Variants in STXBP5L observed in about 807,000 individuals in gnomAD.
STXBP5L encodes syntaxin-binding protein 5-like.
A neutral mutation model predicts 144.5 loss-of-function variants in STXBP5L; 65 were observed. That is an observed-to-expected ratio of 0.45 (90% CI 0.37 to 0.55). The LOEUF is 0.55. STXBP5L is among the 20% of genes least tolerant of loss of function. The probability of loss-of-function intolerance (pLI) is 0.00; values close to 1 mark genes in which losing one functional copy is unlikely to be tolerated. For synonymous variants in STXBP5L, 505 were observed against 469.6 expected, an observed-to-expected ratio of 1.08 and a Z score of -0.97; for missense variants, 1,298 against 1,405.5, an observed-to-expected ratio of 0.92 and a Z score of 1.22.
intron 7 of STXBP5L, among the ~76,000 whole-genome samples, chr3:121,125,875 C>A (rs1040120219): frequency 6.6e-6 from 1 of 152,100 alleles, no homozygotes; most frequent in African/African-American, 2.4e-5. Flanking sequence ...ATGGAGAAAA[C>A]CTTGACCAAT....
intron 10 of STXBP5L, 116 bp from the exon 11 acceptor site, chr3:121,222,887 T>A: frequency 8.6e-7 from 1 of 1,166,008 alleles, no homozygotes; most frequent in East Asian, 2.7e-5. Flanking sequence ...GCAAGTTTTT[T>A]GCTGTCTGTC....
chr3:121,098,888 G>T (rs2043271656), intron 5 of STXBP5L, among the ~76,000 whole-genome samples: 1 of 152,012 alleles, frequency 6.6e-6, no homozygotes, highest in Non-Finnish European at 1.5e-5. Context: ...TTTCCAGAAA[G>T]AAAATAATTT....
intron 6 of STXBP5L, 115 bp downstream of exon 6, chr3:121,115,174 A>G (rs895919591): frequency 1.9e-6 from 2 of 1,066,074 alleles, no homozygotes; most frequent in East Asian, 3.0e-5. Context: ...AATGAATTTG[A>G]GTGAAAAGTT....
intron 2 of STXBP5L, among the ~76,000 whole-genome samples, chr3:120,920,195 T>G (rs568041491): frequency 7.9e-5 from 12 of 151,950 alleles, no homozygotes; most frequent in Non-Finnish European, 1.8e-4. Context: ...CAATTTCTTT[T>G]TGAAAGGATT....
rs537940454 is a variant in STXBP5L at position 121,092,295 on chromosome 3, C to T, written c.471-22630C>T. 4.4e-3 allele frequency among the ~76,000 whole-genome samples: 671 copies of T among 151,950 alleles called. 6 individuals are homozygous for T. The highest frequency in any genetic ancestry group is 0.015 in the African/African-American group (620 of 41,404). On this transcript the variant is annotated intron_variant, in intron 5 of 26. Coordinates refer to ENST00000471454, the MANE Select transcript of STXBP5L (RefSeq NM_001308330.2). Reference sequence around the variant, plus strand: ...ATATGAACTTTAAAGTAGTGTTTTCCAATTCTGTGATGAAAGTCATTGGTA... The same window carrying T: ...ATATGAACTTTAAAGTAGTGTTTTCTAATTCTGTGATGAAAGTCATTGGTA...
chr3:121,349,221 T>C (rs1445679698), intron 20 of STXBP5L, among the ~76,000 whole-genome samples: 1 of 152,130 alleles, frequency 6.6e-6, no homozygotes, highest in Non-Finnish European at 1.5e-5. Flanking sequence ...ATGTACCCAG[T>C]AGTCATTCAG....
chr3:120,956,792 A>G (rs1214625204), intron 3 of STXBP5L, among the ~76,000 whole-genome samples: 5 of 151,892 alleles, frequency 3.3e-5, no homozygotes, highest in African/African-American at 9.7e-5. Flanking sequence ...ATTTTCACCA[A>G]TAGTAATTGC....
At chr3:121,007,889 G>T (rs376731651) in intron 3 of STXBP5L, among the ~76,000 whole-genome samples, 15 of 152,034 alleles carry the variant, frequency 9.9e-5, no homozygotes, top group Middle Eastern at 3.4e-3. Flanking sequence ...AGTTTACTAT[G>T]TAAACTAATA....
At chr3:121,274,745 A>G (rs932200918) in intron 18 of STXBP5L, among the ~76,000 whole-genome samples, 1 of 152,186 alleles carries the variant, frequency 6.6e-6, no homozygotes, top group African/African-American at 2.4e-5. Flanking sequence ...CTATAGAGTG[A>G]GAACCTGTGT....
At chr3:120,969,790 G>C (rs1940031443) in intron 3 of STXBP5L, among the ~76,000 whole-genome samples, 1 of 151,604 alleles carries the variant, frequency 6.6e-6, no homozygotes, top group African/African-American at 2.4e-5. Context: ...GAAGACTTTT[G>C]TCCACTTACC....
intron 3 of STXBP5L, among the ~76,000 whole-genome samples, chr3:121,003,987 G>T (rs927832952): frequency 1.3e-5 from 2 of 152,128 alleles, no homozygotes; most frequent in Non-Finnish European, 2.9e-5. Context: ...GTAGCGTGAT[G>T]CCTCCAGCTT....
intron 9 of STXBP5L, among the ~76,000 whole-genome samples, chr3:121,173,323 T>TA: frequency 6.8e-6 from 1 of 146,534 alleles, no homozygotes; most frequent in East Asian, 2.0e-4. Context: ...GAACTTAAAA[T>TA]ATAATAATAA....
chr3:121,256,532 A>C (rs1028048837), intron 16 of STXBP5L, among the ~76,000 whole-genome samples: 1 of 151,908 alleles, frequency 6.6e-6, no homozygotes, highest in African/African-American at 2.4e-5. Context: ...TTTTTTATCA[A>C]GTAATTCTGA....
intron 2 of STXBP5L, among the ~76,000 whole-genome samples, chr3:120,931,944 T>G (rs1709962715): frequency 6.6e-6 from 1 of 152,232 alleles, no homozygotes. Context: ...GTAGACAATT[T>G]GGTCATTGTG....
chr3:121,334,075 T>C lies in STXBP5L; in HGVS notation c.2176+15535T>C, dbSNP rs1056402739. Among the ~76,000 whole-genome samples the C allele has an allele frequency of 4.6e-5, 7 of 152,198 alleles. No individual in the cohort carries two copies. The South Asian group carries it at 1.5e-3, about 32-fold the overall frequency. On this transcript the variant is annotated intron_variant, in intron 20 of 26. Coordinates refer to ENST00000471454, the MANE Select transcript of STXBP5L (RefSeq NM_001308330.2). ...TTTATAAGGAGAAACCCCTTTTGCTTGGTTCTCATTATTTCTTTGCCTGCC... is the reference window on the plus strand; with the variant it reads ...TTTATAAGGAGAAACCCCTTTTGCTCGGTTCTCATTATTTCTTTGCCTGCC...
chr3:120,969,903 T>A (rs681827), intron 3 of STXBP5L, among the ~76,000 whole-genome samples: 3 of 151,788 alleles, frequency 2.0e-5, no homozygotes, highest in East Asian at 3.9e-4. Context: ...TGTGGTTAAG[T>A]GAATTTCTCT....
chr3:121,183,487 A>T (rs2047239839), intron 9 of STXBP5L, among the ~76,000 whole-genome samples: 1 of 152,136 alleles, frequency 6.6e-6, no homozygotes, highest in South Asian at 2.1e-4. Context: ...AGTAGCACTG[A>T]TATACACCAA....
chr3:121,010,865 A>G (rs978118275), intron 3 of STXBP5L, among the ~76,000 whole-genome samples: 1 of 151,710 alleles, frequency 6.6e-6, no homozygotes, highest in Non-Finnish European at 1.5e-5. Context: ...TAGGTTGAGA[A>G]GGAGATGGAA....
In STXBP5L at chr3:121,378,714, A is replaced by G; in HGVS notation, c.2177-2A>G. ...TATGCTGCCTTCCTCCTCTTGGCAC[A>G]GACCATGTAAATGGACACTGCACAA... is the stretch of plus-strand genomic sequence containing the variant. On this transcript the variant is annotated splice_acceptor_variant, in intron 20 of 26. Coordinates refer to ENST00000471454, the MANE Select transcript of STXBP5L (RefSeq NM_001308330.2). LOFTEE classifies it high-confidence loss of function. The G allele has an allele frequency of 1.9e-6, 3 of 1,613,070 alleles. No individual in the cohort carries two copies. Among genetic ancestry groups the G allele is most frequent in the Non-Finnish European group, 2.5e-6 (3 of 1,179,510 alleles).
Sources: gnomAD v4.1 joint callset for allele counts (sites outside exome capture counted in the v4.1 genomes callset) on GRCh38, gnomAD v4.1.1 for gene constraint, MANE v1.5 for transcripts, NCBI Gene and HGNC (gene_info 2026-07-23, HGNC 2026-07-21) for gene names.